STK32A: variants seen among roughly 807,000 people sequenced by gnomAD.
STK32A encodes serine/threonine kinase 32A.
STK32A carries 41 observed loss-of-function variants against 53.2 expected under a neutral mutation model. That is an observed-to-expected ratio of 0.77 (90% CI 0.60 to 1.00). The LOEUF is 1.00. Ranked by LOEUF, STK32A falls within the 50% of genes least tolerant of loss-of-function variation. STK32A has a pLI of 0.00. For missense variants in STK32A, 458 were observed against 485.8 expected, an observed-to-expected ratio of 0.94 and a Z score of 0.54; for synonymous variants, 166 against 162.8, an observed-to-expected ratio of 1.02 and a Z score of -0.15.
chr5:147,318,742 C>T (rs1341045604), intron 4 of STK32A, among the ~76,000 whole-genome samples: 2 of 149,996 alleles, frequency 1.3e-5, no homozygotes, highest in Non-Finnish European at 2.9e-5. Flanking sequence ...TGCCACTGCA[C>T]TGCAGCCTGG....
At chr5:147,338,152 T>A (rs1370468248) in intron 5 of STK32A, among the ~76,000 whole-genome samples, 1 of 152,214 alleles carries the variant, frequency 6.6e-6, no homozygotes, top group African/African-American at 2.4e-5. Context: ...GTAGTTCCCA[T>A]AATCTCCATT....
chr5:147,348,968 C>T (rs1755825788), intron 6 of STK32A: 2 of 464,462 alleles, frequency 4.3e-6, no homozygotes, highest in East Asian at 8.0e-5. Context: ...AGTGGTAGAA[C>T]CTAGACTTGA....
chr5:147,315,474 A>C (rs1753947159), intron 4 of STK32A, among the ~76,000 whole-genome samples: 1 of 152,220 alleles, frequency 6.6e-6, no homozygotes, highest in African/African-American at 2.4e-5. Context: ...ATCCAGACAC[A>C]AAAGGACCAA....
At chr5:147,269,349 G>A (rs62377686) in intron 2 of STK32A, among the ~76,000 whole-genome samples, 3,709 of 152,224 alleles carry the variant, frequency 0.024, 57 homozygotes, top group African/African-American at 0.027. Context: ...GTCAGTAATG[G>A]TGTGTTGTTG....
chr5:147,267,950 A>G (rs553440529), intron 2 of STK32A, among the ~76,000 whole-genome samples: 2 of 152,294 alleles, frequency 1.3e-5, no homozygotes, highest in South Asian at 4.1e-4. Flanking sequence ...TCCTATAAAC[A>G]TCTGCAGACT....
In STK32A at chr5:147,385,304, A is replaced by AT. The variant is rs1255272515; in HGVS notation, c.*1327dup. On this transcript the variant is annotated 3_prime_UTR_variant, in exon 13 of 13. Coordinates refer to ENST00000397936, the MANE Select transcript of STK32A (RefSeq NM_001112724.2). ...ATGTGTGTGCCACCATGTGTAGCTA[A>AT]TTTTTTGTATTTTTAGTAGAGATAG... The AT allele has an allele frequency of 1.3e-5, 2 of 151,952 alleles. No homozygotes were observed. Among genetic ancestry groups the AT allele is most frequent in the East Asian group, 3.9e-4 (2 of 5,152 alleles). 9.4% of individuals were successfully genotyped at this position (151,952 alleles called of 1,614,324 possible). A position where few individuals can be genotyped will look rare whatever the true frequency, so the allele number is the denominator to read the frequency against.
chr5:147,350,993 C>T (rs892349505), intron 6 of STK32A, 72 bp from the exon 7 acceptor site: 131 of 1,330,856 alleles, frequency 9.8e-5, no homozygotes, highest in Non-Finnish European at 1.3e-4. Flanking sequence ...TGGGTGTTTT[C>T]AGTTAAAAGC....
At chr5:147,258,235 A>C (rs557275043) in intron 2 of STK32A, among the ~76,000 whole-genome samples, 43 of 149,506 alleles carry the variant, frequency 2.9e-4, no homozygotes, top group Non-Finnish European at 5.0e-4. Flanking sequence ...TCCAGTTCAC[A>C]GAAAAACTGT....
At chr5:147,372,843 T>G (rs754383416) in intron 9 of STK32A, among the ~76,000 whole-genome samples, 1 of 152,184 alleles carries the variant, frequency 6.6e-6, no homozygotes, top group East Asian at 1.9e-4. Flanking sequence ...ATTACAATCG[T>G]ATGAAATACA....
chr5:147,397,895 A>AGAAAG, the STK32A span: 7 of 1,509,314 alleles, frequency 4.6e-6, no homozygotes, highest in South Asian at 1.3e-5. Flanking sequence ...GAGAAAGAGG[A>AGAAAG]ACGTACCTTC....
downstream of STK32A, among the ~76,000 whole-genome samples, chr5:147,389,411 A>G (rs1008417576): frequency 2.0e-5 from 3 of 152,136 alleles, no homozygotes; most frequent in African/African-American, 7.2e-5. Flanking sequence ...GGTGTGGCCA[A>G]TTGGTCCCAC....
chr5:147,281,095 C>T (rs1432937292), intron 4 of STK32A, among the ~76,000 whole-genome samples: 2 of 152,154 alleles, frequency 1.3e-5, no homozygotes, highest in Non-Finnish European at 2.9e-5. Flanking sequence ...GAGAGTACTA[C>T]ATCAAAGGAA....
chr5:147,378,890 T>A, intron 11 of STK32A, among the ~76,000 whole-genome samples: 1 of 139,314 alleles, frequency 7.2e-6, no homozygotes, highest in African/African-American at 2.6e-5. Flanking sequence ...TTGCTTAGGA[T>A]TGTCTTGACT....
At chr5:147,325,709 C>G (rs960716511) in intron 5 of STK32A, among the ~76,000 whole-genome samples, 1 of 152,114 alleles carries the variant, frequency 6.6e-6, no homozygotes, top group African/African-American at 2.4e-5. Context: ...ATTTGCACAC[C>G]TGGTGTTTTT....
chr5:147,263,393 A>C (rs1197788528), intron 2 of STK32A, among the ~76,000 whole-genome samples: 2 of 152,258 alleles, frequency 1.3e-5, no homozygotes, highest in East Asian at 3.8e-4. Context: ...AAATATGAGC[A>C]GACAACCAAG....
At chr5:147,357,904 T>C (rs9325041) in intron 7 of STK32A, among the ~76,000 whole-genome samples, 69,506 of 151,846 alleles carry the variant, frequency 0.46, 16,610 homozygotes, top group East Asian at 0.62. Context: ...TTTGTGCTAA[T>C]ATCTATATTC....
intron 2 of STK32A, among the ~76,000 whole-genome samples, chr5:147,262,371 A>T (rs771632070): frequency 6.6e-6 from 1 of 152,164 alleles, no homozygotes; most frequent in Non-Finnish European, 1.5e-5. Context: ...AATGATTTTT[A>T]AAAACACTAT....
chr5:147,294,460 C>G (rs1752765810), intron 4 of STK32A, among the ~76,000 whole-genome samples: 2 of 151,986 alleles, frequency 1.3e-5, no homozygotes, highest in South Asian at 4.2e-4. Flanking sequence ...CGGGGTTTCA[C>G]CATATTGGCC....
the STK32A span, chr5:147,397,884 A>ATATAAAGAG: frequency 6.4e-7 from 1 of 1,552,956 alleles, no homozygotes; most frequent in Non-Finnish European, 8.7e-7. Flanking sequence ...CAGTAAGGGT[A>ATATAAAGAG]GAGAAAGAGG....
Sources: allele counts gnomAD v4.1 joint callset (sites outside exome capture counted in the v4.1 genomes callset), GRCh38; gene constraint gnomAD v4.1.1; transcripts MANE v1.5; gene names NCBI Gene and HGNC (gene_info 2026-07-23, HGNC 2026-07-21).